The following VDAC1 variants were observed in gnomAD, a reference collection of about 807,000 sequenced individuals.
The protein encoded by VDAC1 is non-selective voltage-gated ion channel VDAC1.
A neutral mutation model predicts 34.7 loss-of-function variants in VDAC1; 10 were observed. That is an observed-to-expected ratio of 0.29 (90% CI 0.18 to 0.49). The LOEUF (loss-of-function observed/expected upper bound fraction) is 0.49. Ranked by LOEUF, VDAC1 falls within the 20% of genes least tolerant of loss-of-function variation. The pLI is 0.99. For synonymous variants in VDAC1, 130 were observed against 136.0 expected (o/e 0.96, Z 0.30); for missense variants, 230 against 347.9 (o/e 0.66, Z 2.69).
At chr5:133,986,179 T>C (rs1752897263) in intron 5 of VDAC1, among the ~76,000 whole-genome samples, 1 of 152,220 alleles carries the variant, frequency 6.6e-6, no homozygotes, top group South Asian at 2.1e-4. Flanking sequence ...CAAGCTTTAT[T>C]TGTGATGGAT....
chr5:133,982,373 G>A (rs1055315579), intron 5 of VDAC1, among the ~76,000 whole-genome samples: 1 of 151,972 alleles, frequency 6.6e-6, no homozygotes, highest in East Asian at 1.9e-4. Flanking sequence ...TTAGCTGGGC[G>A]CGGTGGTGGG....
the VDAC1 span, among the ~76,000 whole-genome samples, chr5:134,109,944 C>G: frequency 2.0e-5 from 3 of 152,176 alleles, no homozygotes; most frequent in African/African-American, 4.8e-5. Context: ...ACCCGGCAGC[C>G]TAGGACCTGG....
chr5:134,103,352 G>A, the VDAC1 span, among the ~76,000 whole-genome samples: 2 of 152,248 alleles, frequency 1.3e-5, no homozygotes, highest in African/African-American at 4.8e-5. Context: ...AAACTCCTGG[G>A]CTCCAAGTGA....
chr5:134,072,677 G>A, the VDAC1 span, among the ~76,000 whole-genome samples: 1 of 152,172 alleles, frequency 6.6e-6, no homozygotes. Flanking sequence ...AAGCCACCAA[G>A]TAAGCCCAGG....
In VDAC1 at chr5:133,990,987, C is replaced by T. The variant is rs370109273; in HGVS notation, c.270+15G>A. ...GCGAATTAATAAATCCACATCTTTT[C>T]ACAGCAGCCATTACCTGATCTTCCA... On this transcript the variant is annotated intron_variant, in intron 4 of 8. Transcript: ENST00000265333. 96 of 1,613,132 alleles carry T rather than the reference C, an allele frequency of 6.0e-5. No individual in the cohort carries two copies. Among genetic ancestry groups the T allele is most frequent in the Non-Finnish European group, 7.0e-5 (83 of 1,179,428 alleles).
chr5:134,097,115 A>G, the VDAC1 span, among the ~76,000 whole-genome samples: 1 of 150,896 alleles, frequency 6.6e-6, no homozygotes. Flanking sequence ...GACCCTTCAC[A>G]TCACTGCAAT....
rs144346325 is a variant in VDAC1, at chr5:133,974,361, G to A, written c.703-513C>T. 2.3e-3 allele frequency among the ~76,000 whole-genome samples: 355 copies of A among 152,280 alleles called. 2 individuals are homozygous for A. The highest frequency in any genetic ancestry group is 8.2e-3 in the African/African-American group (342 of 41,544). ...CTGCAAAAACTGTGTAGTAGTTCGAGGGCCTGTGAGCAATGCCAGAGACTC... is the reference window on the plus strand; with the variant it reads ...CTGCAAAAACTGTGTAGTAGTTCGAAGGCCTGTGAGCAATGCCAGAGACTC... On this transcript the variant is annotated intron_variant, in intron 7 of 8. Coordinates refer to ENST00000265333, the MANE Select transcript of VDAC1 (RefSeq NM_003374.3).
At chr5:133,992,266 TAA>T in intron 3 of VDAC1, 38 bp downstream of exon 3, 1 of 1,352,446 alleles carries the variant, frequency 7.4e-7, no homozygotes, top group African/African-American at 1.5e-5. Context: ...AAAATAAAAA[TAA>T]ATAAATACTC....
chr5:134,017,695 C>T, the VDAC1 span, among the ~76,000 whole-genome samples: 1 of 152,016 alleles, frequency 6.6e-6, no homozygotes, highest in Non-Finnish European at 1.5e-5. Flanking sequence ...GGGCGGATCA[C>T]GAGGTCAGGA....
the VDAC1 span, among the ~76,000 whole-genome samples, chr5:134,050,878 C>A: frequency 8.5e-5 from 13 of 152,142 alleles, no homozygotes; most frequent in Admixed American, 7.9e-4. Flanking sequence ...CAATCCACCC[C>A]TTCCCAGCAA....
the VDAC1 span, among the ~76,000 whole-genome samples, chr5:134,015,577 T>C: frequency 6.6e-6 from 1 of 152,140 alleles, no homozygotes; most frequent in Non-Finnish European, 1.5e-5. Flanking sequence ...AAGGAGCACC[T>C]GTAATCCCAG....
chr5:134,057,621 G>A, the VDAC1 span, among the ~76,000 whole-genome samples: 4 of 151,412 alleles, frequency 2.6e-5, no homozygotes, highest in Non-Finnish European at 4.4e-5. Flanking sequence ...CCTGGGAGGC[G>A]GAGGTTACAG....
the VDAC1 span, among the ~76,000 whole-genome samples, chr5:134,099,663 G>A: frequency 6.6e-6 from 1 of 152,158 alleles, no homozygotes; most frequent in Non-Finnish European, 1.5e-5. Context: ...ACGCAGCAGC[G>A]TTGACCTCTT....
At chr5:134,049,556 G>A in the VDAC1 span, among the ~76,000 whole-genome samples, 7 of 152,238 alleles carry the variant, frequency 4.6e-5, no homozygotes, top group Non-Finnish European at 8.8e-5. Context: ...AGTTCAATTG[G>A]TACAAACATT....
At chr5:134,113,667 G>A in the VDAC1 span, among the ~76,000 whole-genome samples, 1 of 152,278 alleles carries the variant, frequency 6.6e-6, no homozygotes, top group Non-Finnish European at 1.5e-5. Context: ...TAGATGCAGG[G>A]GCTGAGCCAG....
the VDAC1 span, among the ~76,000 whole-genome samples, chr5:134,109,453 G>A: frequency 1.3e-5 from 2 of 152,114 alleles, no homozygotes; most frequent in South Asian, 2.1e-4. Context: ...AAGGCCATAA[G>A]CTCTTCATGG....
intron 1 of VDAC1, among the ~76,000 whole-genome samples, chr5:134,001,405 G>A (rs570267757): frequency 1.3e-5 from 2 of 152,186 alleles, no homozygotes; most frequent in East Asian, 3.9e-4. Flanking sequence ...CTGTAATGAC[G>A]ACAATCATAC....
At chr5:134,079,954 T>C in the VDAC1 span, among the ~76,000 whole-genome samples, 3 of 152,254 alleles carry the variant, frequency 2.0e-5, no homozygotes, top group Non-Finnish European at 2.9e-5. Flanking sequence ...CTCTGAGTAA[T>C]GCTGAATCTT....
chr5:134,080,242 G>A, the VDAC1 span, among the ~76,000 whole-genome samples: 1 of 152,306 alleles, frequency 6.6e-6, no homozygotes, highest in East Asian at 1.9e-4. Flanking sequence ...CACAGTCCCT[G>A]GTGGCCTTTA....
Sources: allele counts gnomAD v4.1 joint callset (sites outside exome capture counted in the v4.1 genomes callset), GRCh38; gene constraint gnomAD v4.1.1; transcripts MANE v1.5; gene names NCBI Gene and HGNC (gene_info 2026-07-23, HGNC 2026-07-21).